Variants in STT3B observed in about 807,000 individuals in gnomAD.
The protein encoded by STT3B is STT3 oligosaccharyltransferase complex catalytic subunit B.
STT3B carries 29 observed loss-of-function variants against 96.8 expected under a neutral mutation model. The observed-to-expected ratio is 0.30, with a 90% CI of 0.22 to 0.41. The LOEUF (loss-of-function observed/expected upper bound fraction) is 0.41, where lower values mean the gene tolerates loss of function less well. Among genes scored for constraint, STT3B ranks in the 10% least tolerant of loss-of-function variants. The pLI, the probability that STT3B is intolerant of heterozygous loss-of-function variation, is 1.00. For missense variants in STT3B, 640 were observed against 1,022.3 expected (o/e 0.63, Z 5.10); for synonymous variants, 367 against 360.0 (o/e 1.02, Z -0.22).
intron 1 of STT3B, among the ~76,000 whole-genome samples, chr3:31,572,121 CA>C (rs1698172019): frequency 8.1e-6 from 1 of 123,320 alleles, no homozygotes; most frequent in African/African-American, 4.1e-5. Context: ...TTATATATCT[CA>C]AAAAGGAAGC....
At chr3:31,630,145 T>C (rs1460061516) in intron 14 of STT3B, among the ~76,000 whole-genome samples, 1 of 152,220 alleles carries the variant, frequency 6.6e-6, no homozygotes, top group Admixed American at 6.5e-5. Flanking sequence ...AATATGCCTC[T>C]TTGACATGAA....
In STT3B at chr3:31,533,037, G is replaced by T. The variant is rs1398989581; in HGVS notation, c.39G>T (p.Ser13=). 1.3e-6 allele frequency: 2 copies of T among 1,587,414 alleles called. No individual in the cohort carries two copies. Among genetic ancestry groups the T allele is most frequent in the African/African-American group, 2.8e-5 (2 of 71,256 alleles). Residue 13 remains serine, a synonymous_variant, in exon 1 of 16, where the codon TCG becomes TCT. Transcript: ENST00000295770. The part of the protein sequence containing the change: ...EPSAPESKHK[S]SLNSSPWSGL... Reference sequence around the variant, plus strand: ...CGGCCCCGGAGAGCAAGCACAAGTCGTCCCTCAACTCGTCCCCGTGGAGTG... The same window carrying T: ...CGGCCCCGGAGAGCAAGCACAAGTCTTCCCTCAACTCGTCCCCGTGGAGTG...
Position 31,598,570 on chromosome 3 carries a change from A to G in STT3B, c.777+1707A>G, listed in dbSNP as rs145295996. On this transcript the variant is annotated intron_variant, in intron 4 of 15. Coordinates refer to ENST00000295770, the MANE Select transcript of STT3B (RefSeq NM_178862.3). ...GAAGGAAAACTCTTAAAATGAATTT[A>G]TGTGGGTCCGAGAAGAAATAAATCC... Among the ~76,000 whole-genome samples the G allele has an allele frequency of 1.2e-3, 185 of 152,326 alleles. 2 individuals carry two copies. Among genetic ancestry groups the G allele is most frequent in the Middle Eastern group, 6.8e-3 (2 of 294 alleles).
chr3:31,633,514 A>G (rs1031102011), intron 15 of STT3B, among the ~76,000 whole-genome samples: 8 of 152,288 alleles, frequency 5.3e-5, no homozygotes, highest in Middle Eastern at 3.4e-3. Context: ...TTCATGTTCC[A>G]TTCTTAGTAT....
chr3:31,602,175 C>T (rs1457907465), intron 5 of STT3B, among the ~76,000 whole-genome samples: 1 of 152,176 alleles, frequency 6.6e-6, no homozygotes, highest in Non-Finnish European at 1.5e-5. Flanking sequence ...ACCACCAAAT[C>T]TGTGTGCCTC....
intron 5 of STT3B, among the ~76,000 whole-genome samples, chr3:31,607,747 T>G (rs76080078): frequency 1.2e-4 from 8 of 67,476 alleles, no homozygotes; most frequent in Admixed American, 8.0e-4. Context: ...TTGTTGTTTT[T>G]GGGGGGTTGT....
chr3:31,578,615 A>C (rs1698309465), intron 2 of STT3B, among the ~76,000 whole-genome samples: 1 of 151,908 alleles, frequency 6.6e-6, no homozygotes, highest in African/African-American at 2.4e-5. Flanking sequence ...CTAGTATTGA[A>C]TCTGAAGTAG....
chr3:31,623,426 G>A (rs1699469165), intron 10 of STT3B, among the ~76,000 whole-genome samples: 1 of 152,136 alleles, frequency 6.6e-6, no homozygotes, highest in Non-Finnish European at 1.5e-5. Flanking sequence ...TTTGAAAGCA[G>A]CTTCTTACTG....
rs1157963861 is a variant in STT3B at position 31,625,099 on chromosome 3, A to G, written c.1899+14A>G. 6.2e-7 allele frequency: 1 copy of G among 1,605,286 alleles called. No homozygotes were observed. The highest frequency in any genetic ancestry group is 1.1e-5 in the South Asian group (1 of 90,054). ...CACATAGCACTGGTAAGGATTTACT[A>G]AATACAAGGTTAAAAAATCTTTATT... is the stretch of plus-strand genomic sequence containing the variant. On this transcript the variant is annotated intron_variant, in intron 12 of 15. Transcript: ENST00000295770.
intron 2 of STT3B, among the ~76,000 whole-genome samples, chr3:31,578,579 T>G (rs989464476): frequency 6.6e-5 from 10 of 152,092 alleles, no homozygotes; most frequent in Admixed American, 2.0e-4. Context: ...CCCCCCAGTA[T>G]TGCTGACAAA....
intron 1 of STT3B, among the ~76,000 whole-genome samples, chr3:31,545,057 T>G (rs973059773): frequency 2.0e-5 from 3 of 152,208 alleles, no homozygotes; most frequent in African/African-American, 7.2e-5. Context: ...TAAAGAAGGC[T>G]TTTATTTTAA....
intron 2 of STT3B, among the ~76,000 whole-genome samples, chr3:31,578,535 G>A (rs1698306862): frequency 6.6e-6 from 1 of 151,702 alleles, no homozygotes; most frequent in African/African-American, 2.4e-5. Flanking sequence ...GTCTTATCTT[G>A]AAAAATATTT....
At chr3:31,635,864 G>C in intron 15 of STT3B, 120 bp from the exon 16 acceptor site, 1 of 645,478 alleles carries the variant, frequency 1.5e-6, no homozygotes. Context: ...AAGGAATCCA[G>C]TCACAAGAAG....
At chr3:31,579,434 A>C (rs1286670193) in intron 2 of STT3B, among the ~76,000 whole-genome samples, 1 of 145,068 alleles carries the variant, frequency 6.9e-6, no homozygotes, top group Non-Finnish European at 1.5e-5. Context: ...AGTATGTTAG[A>C]ACTCCAAACT....
intron 1 of STT3B, among the ~76,000 whole-genome samples, chr3:31,571,371 C>G (rs573072352): frequency 1.3e-5 from 2 of 151,000 alleles, no homozygotes; most frequent in South Asian, 4.2e-4. Context: ...CACTAAGTAT[C>G]CAAGTATTTT....
chr3:31,601,635 T>C (rs1192309696), intron 5 of STT3B, among the ~76,000 whole-genome samples: 2 of 152,148 alleles, frequency 1.3e-5, no homozygotes, highest in African/African-American at 2.4e-5. Context: ...GGTGTGACTG[T>C]TGAATGGATA....
intron 3 of STT3B, 116 bp downstream of exon 3, chr3:31,580,212 T>C: frequency 1.0e-6 from 1 of 955,872 alleles, no homozygotes; most frequent in East Asian, 2.4e-5. Flanking sequence ...CAGAGATCTG[T>C]ATTACTGTTC....
At chr3:31,586,677 A>C (rs1698545458) in intron 3 of STT3B, among the ~76,000 whole-genome samples, 1 of 152,114 alleles carries the variant, frequency 6.6e-6, no homozygotes, top group South Asian at 2.1e-4. Context: ...AACCTTGTCA[A>C]AATCAATTGA....
rs139518202 is a variant in STT3B, at chr3:31,623,568, A to G, written c.1540-106A>G. On this transcript the variant is annotated intron_variant, in intron 10 of 15. Coordinates refer to ENST00000295770, the MANE Select transcript of STT3B (RefSeq NM_178862.3). ...GATGGTTATACATTTTCTGAGTCAT[A>G]GAATTAAATTGATAGATAAACAGTC... is the stretch of plus-strand genomic sequence containing the variant. The G allele has an allele frequency of 2.0e-4, 162 of 812,556 alleles. 3 individuals are homozygous for G. The African/African-American group carries it at 2.1e-3, about 10-fold the overall frequency. The allele number at this position is 812,556 out of a possible 1,614,324, so 50.3% of individuals were successfully genotyped here. A position where few individuals can be genotyped will look rare whatever the true frequency, so the allele number is the denominator to read the frequency against.
Sources: gnomAD v4.1 joint callset for allele counts (sites outside exome capture counted in the v4.1 genomes callset) on GRCh38, gnomAD v4.1.1 for gene constraint, MANE v1.5 for transcripts, NCBI Gene and HGNC (gene_info 2026-07-23, HGNC 2026-07-21) for gene names.